DNM2: variants seen among roughly 807,000 people sequenced by gnomAD.
DNM2 encodes the protein dynamin 2, also known as dynamin-2.
Under a neutral mutation model 99.0 loss-of-function variants are expected in DNM2, and 15 were observed. That is an observed-to-expected ratio of 0.15 (90% CI 0.10 to 0.23). The LOEUF is 0.23. Among genes scored for constraint, DNM2 ranks in the 10% least tolerant of loss-of-function variants. DNM2 has a pLI of 1.00. For missense variants in DNM2, 742 were observed against 1,189.4 expected, an observed-to-expected ratio of 0.62 and a Z score of 5.53; for synonymous variants, 525 against 481.2, an observed-to-expected ratio of 1.09 and a Z score of -1.19.
rs2071895601 is a variant in DNM2, at chr19:10,795,347, A to G, written c.1129-25A>G. The G allele has an allele frequency of 1.2e-6, 2 of 1,614,034 alleles. No homozygotes were observed. The highest frequency in any genetic ancestry group is 1.7e-6 in the Non-Finnish European group (2 of 1,179,968). On this transcript the variant is annotated intron_variant, in intron 8 of 20. Transcript: ENST00000389253. The surrounding 1 kb of genome is among the most constrained non-coding windows in gnomAD (Gnocchi z 4.2). The stretch of plus-strand genomic sequence containing the variant: ...GGGGGCGCCCCGGGTGCCTCCATGC[A>G]TGTGCTTGGTTTGTCTCTTCTCAGA...
At chr19:10,813,185 C>T (rs1279755601) in intron 15 of DNM2, among the ~76,000 whole-genome samples, 2 of 152,160 alleles carry the variant, frequency 1.3e-5, no homozygotes, top group African/African-American at 4.8e-5. Context: ...CCCACATGCT[C>T]GTCATTATGG....
At chr19:10,794,378 T>A (rs1430099031) in intron 8 of DNM2, among the ~76,000 whole-genome samples, 1 of 151,262 alleles carries the variant, frequency 6.6e-6, no homozygotes, top group African/African-American at 2.4e-5. Flanking sequence ...TGTGTGTGTG[T>A]GATTTGCTTG....
In DNM2 at chr19:10,732,424, C is replaced by A. The variant is rs553244587; in HGVS notation, c.161+14021C>A. Among the ~76,000 whole-genome samples, 647 of 150,952 alleles carry A rather than the reference C, an allele frequency of 4.3e-3. 2 individuals are homozygous for A. Among genetic ancestry groups the A allele is most frequent in the South Asian group, 0.011 (52 of 4,798 alleles). ...GACCATCCTGACTAACACGGTGAAA[C>A]CCCACCTCTACTAAAAATACAAAGA... is the stretch of plus-strand genomic sequence containing the variant. On this transcript the variant is annotated intron_variant, in intron 1 of 20. Transcript: ENST00000389253.
chr19:10,803,763 C>T, intron 12 of DNM2: 1 of 903,594 alleles, frequency 1.1e-6, no homozygotes, highest in Non-Finnish European at 1.3e-6. Context: ...TCCCTGGGGC[C>T]CGCTGAAGAG....
At chr19:10,726,364 G>A (rs1415060160) in intron 1 of DNM2, among the ~76,000 whole-genome samples, 1 of 152,028 alleles carries the variant, frequency 6.6e-6, no homozygotes, top group African/African-American at 2.4e-5. Context: ...CCCGGCCTTA[G>A]TTTCTTTTTC....
chr19:10,797,300 C>G lies in DNM2; in HGVS notation c.1197-80C>G, dbSNP rs747939279. On this transcript the variant is annotated intron_variant, in intron 9 of 20. Transcript: ENST00000389253. ...AGATGACTCTCGTTTCTTCTCTTCT[C>G]TCTGTCTCCTGTCCTGCGTGTGTGG... 4 of 1,584,504 alleles carry G rather than the reference C, an allele frequency of 2.5e-6. No homozygotes were observed. In the African/African-American group the frequency reaches 4.0e-5, roughly 16 times the overall value.
chr19:10,811,561 T>A lies in DNM2; in HGVS notation c.1558-703T>A, dbSNP rs2072544898. 2.6e-6 allele frequency: 1 copy of A among 385,946 alleles called. No homozygotes were observed. The highest frequency in any genetic ancestry group is 1.9e-5 in the South Asian group (1 of 53,474). 23.9% of individuals were successfully genotyped at this position (385,946 alleles called of 1,614,324 possible). On this transcript the variant is annotated intron_variant, in intron 14 of 20. Transcript: ENST00000389253. This position sits in a 1 kb window ranked among gnomAD's most constrained non-coding sequence, Gnocchi z 5.4. ...CGTGCCTCCGTGTGCTTCCTGCAGC[T>A]CCCAGGGCCCTCGTCCTGAGTGGGG...
At chr19:10,726,765 G>C (rs2069129632) in intron 1 of DNM2, among the ~76,000 whole-genome samples, 1 of 152,184 alleles carries the variant, frequency 6.6e-6, no homozygotes, top group African/African-American at 2.4e-5. Flanking sequence ...TCGGGAGGCT[G>C]AGGCGGAGAA....
chr19:10,782,381 C>T (rs1484633682), intron 5 of DNM2, among the ~76,000 whole-genome samples: 1 of 13,754 alleles, frequency 7.3e-5, no homozygotes, highest in Non-Finnish European at 1.8e-4. Flanking sequence ...TCTTTTTATT[C>T]AGAGTCTTGA....
chr19:10,766,919 G>A (rs1225430355), intron 2 of DNM2, among the ~76,000 whole-genome samples: 1 of 152,172 alleles, frequency 6.6e-6, no homozygotes, highest in Non-Finnish European at 1.5e-5. Flanking sequence ...GGCCCGGGCT[G>A]ACCCTCCTCC....
chr19:10,748,385 G>A (rs2070070320), intron 1 of DNM2, among the ~76,000 whole-genome samples: 1 of 152,276 alleles, frequency 6.6e-6, no homozygotes, highest in East Asian at 1.9e-4. Context: ...GGCCAGGGGA[G>A]CCCCAGGTCT....
In DNM2 at chr19:10,820,319, G is replaced by C. The variant is rs1350526869; in HGVS notation, c.1781+230G>C. Among the ~76,000 whole-genome samples the C allele has an allele frequency of 6.6e-6, 1 of 152,274 alleles. No homozygotes were observed. The highest frequency in any genetic ancestry group is 1.5e-5 in the Non-Finnish European group (1 of 68,048). On this transcript the variant is annotated intron_variant, in intron 16 of 20. Transcript: ENST00000389253. The surrounding 1 kb of genome is among the most constrained non-coding windows in gnomAD (Gnocchi z 4.3). ...AGATGAGGATGAAGGCAGGCTCCGA[G>C]TCAGTGGGAGCCATGGAGAGTTCTG... is the stretch of plus-strand genomic sequence containing the variant.
chr19:10,813,219 G>T (rs1402215996), intron 15 of DNM2, among the ~76,000 whole-genome samples: 1 of 152,208 alleles, frequency 6.6e-6, no homozygotes, highest in Non-Finnish European at 1.5e-5. Context: ...AGGCCCCTGG[G>T]TGATGACTGC....
chr19:10,793,575 G>T (rs1218384109), intron 7 of DNM2, 145 bp from the exon 8 acceptor site: 18 of 1,436,084 alleles, frequency 1.3e-5, no homozygotes, highest in Admixed American at 1.7e-5. Flanking sequence ...TCTTGAATTT[G>T]GTTTATTTGT....
At chr19:10,791,828 G>A (rs940743196) in intron 7 of DNM2, among the ~76,000 whole-genome samples, 2 of 152,198 alleles carry the variant, frequency 1.3e-5, no homozygotes, top group Non-Finnish European at 1.5e-5. Flanking sequence ...GCTCATGCCT[G>A]TAATCCCAGC....
chr19:10,762,321 A>G (rs979817287), intron 2 of DNM2, among the ~76,000 whole-genome samples: 10 of 152,308 alleles, frequency 6.6e-5, no homozygotes, highest in African/African-American at 2.2e-4. Context: ...TACAGGCGTG[A>G]GCCACTGGGC....
intron 2 of DNM2, among the ~76,000 whole-genome samples, chr19:10,770,534 G>A (rs933223571): frequency 1.3e-5 from 2 of 152,082 alleles, no homozygotes; most frequent in East Asian, 1.9e-4. Context: ...CACTTCAGCC[G>A]ATATTAATCC....
intron 1 of DNM2, among the ~76,000 whole-genome samples, chr19:10,751,246 A>T (rs1057386043): frequency 3.3e-5 from 5 of 152,006 alleles, no homozygotes; most frequent in Non-Finnish European, 7.4e-5. Context: ...CCTAGACCAG[A>T]GAGGCCAGGA....
intron 1 of DNM2, among the ~76,000 whole-genome samples, chr19:10,740,381 GTT>G (rs1249729527): frequency 7.1e-6 from 1 of 140,998 alleles, no homozygotes; most frequent in Non-Finnish European, 1.5e-5. Flanking sequence ...TCTTTTTTTT[GTT>G]TTTTTTTTTT....
Sources: allele counts gnomAD v4.1 joint callset (sites outside exome capture counted in the v4.1 genomes callset), GRCh38; gene constraint gnomAD v4.1.1; non-coding constraint Gnocchi (gnomAD v3.1); transcripts MANE v1.5; gene names NCBI Gene and HGNC (gene_info 2026-07-23, HGNC 2026-07-21).